The following COX7A2L variants were observed in gnomAD, a reference collection of about 807,000 sequenced individuals.
COX7A2L encodes the protein cytochrome c oxidase subunit 7A2-like, mitochondrial.
COX7A2L carries 18 observed loss-of-function variants against 14.2 expected under a neutral mutation model. The observed-to-expected ratio is 1.27, with a 90% CI of 0.88 to 1.88. The LOEUF (loss-of-function observed/expected upper bound fraction) is 1.88. COX7A2L is among the 40% of genes most tolerant of loss of function. The pLI is 0.00. For synonymous variants in COX7A2L, 65 were observed against 57.4 expected, an observed-to-expected ratio of 1.13 and a Z score of -0.60; for missense variants, 179 against 138.8, an observed-to-expected ratio of 1.29 and a Z score of -1.46.
At chr2:42,336,997 C>CTT (rs1057223191) in intron 2 of COX7A2L, among the ~76,000 whole-genome samples, 2 of 152,210 alleles carry the variant, frequency 1.3e-5, no homozygotes, top group African/African-American at 4.8e-5. Context: ...TAAAAACAAA[C>CTT]TTTGTATATT....
In COX7A2L at chr2:42,351,229, T is replaced by C. The variant is rs1401314104; in HGVS notation, c.335A>G (p.Lys112Arg). The stretch of plus-strand genomic sequence containing the variant: ...CCTCTGCAGCCTAACTCATTTGTTT[T>C]TGGGCTGCGAAGCCATGTAGAGGGC... ...LIALYMASQPKNK is the reference protein window; with the variant it reads ...LIALYMASQPRNK The change falls in exon 3 of 3, where the codon AAA becomes AGA. Residue 112 changes from lysine to arginine, a missense_variant. Transcript: ENST00000234301. 2 of 1,613,840 alleles carry C rather than the reference T, an allele frequency of 1.2e-6. No homozygotes were observed. Among genetic ancestry groups the C allele is most frequent in the Non-Finnish European group, 1.7e-6 (2 of 1,179,834 alleles).
At chr2:42,349,112 T>C (rs898277973), downstream of COX7A2L, among the ~76,000 whole-genome samples, 1 of 152,234 alleles carries the variant, frequency 6.6e-6, no homozygotes, top group African/African-American at 2.4e-5. Context: ...CACTCCTAGG[T>C]AGATACCCAA....
At chr2:42,359,846 C>CG (rs976879791) in intron 1 of COX7A2L, 28 of 125,818 alleles carry the variant, frequency 2.2e-4, no homozygotes, top group African/African-American at 7.5e-4. Flanking sequence ...CACTAACCCC[C>CG]GAAAAAAAAA....
In COX7A2L at chr2:42,339,753, T is replaced by C. The variant is rs930061597; in HGVS notation, c.193-5884A>G. Among the ~76,000 whole-genome samples the C allele has an allele frequency of 3.3e-5, 5 of 152,194 alleles. No homozygotes were observed. Among genetic ancestry groups the C allele is most frequent in the Non-Finnish European group, 7.3e-5 (5 of 68,032 alleles). Reference sequence around the variant, plus strand: ...TGCTGCCAGCACTCAGAAGTCGGCCTGTGACCCGCTCCTGTCAGGGACTCC... The same window carrying C: ...TGCTGCCAGCACTCAGAAGTCGGCCCGTGACCCGCTCCTGTCAGGGACTCC... On this transcript the variant is annotated intron_variant, in intron 2 of 2. Transcript: ENST00000468711. This position sits in a 1 kb window ranked among gnomAD's most constrained non-coding sequence, Gnocchi z 5.4.
chr2:42,337,041 C>T (rs185891755), intron 2 of COX7A2L, among the ~76,000 whole-genome samples: 1 of 152,234 alleles, frequency 6.6e-6, no homozygotes, highest in Non-Finnish European at 1.5e-5. Context: ...CAGGTTCCCT[C>T]AAAATTAGAA....
chr2:42,345,929 G>C (rs959139454), downstream of COX7A2L, among the ~76,000 whole-genome samples: 19 of 152,188 alleles, frequency 1.2e-4, no homozygotes, highest in Non-Finnish European at 2.5e-4. Flanking sequence ...CGGTGAGAGG[G>C]AGGAGGGTCT....
intron 2 of COX7A2L, chr2:42,352,833 T>C (rs1473040319): frequency 4.0e-6 from 1 of 247,786 alleles, no homozygotes; most frequent in East Asian, 8.4e-5. Flanking sequence ...CAAAAAACAA[T>C]GAGAAAAAAA....
chr2:42,345,720 T>G (rs982363561), downstream of COX7A2L, among the ~76,000 whole-genome samples: 11 of 152,110 alleles, frequency 7.2e-5, no homozygotes, highest in South Asian at 2.1e-4. Flanking sequence ...TTAAAATAAT[T>G]CCCTTAAACT....
rs970226128 is a variant in COX7A2L, at chr2:42,368,866, A to T, written c.-688+2T>A. 1 of 152,188 alleles carries T rather than the reference A, an allele frequency of 6.6e-6. No homozygotes were observed. Among genetic ancestry groups the T allele is most frequent in the Non-Finnish European group, 1.5e-5 (1 of 68,042 alleles). The allele number at this position is 152,188 out of a possible 1,614,324, so 9.4% of individuals were successfully genotyped here. A position where few individuals can be genotyped will look rare whatever the true frequency, so the allele number is the denominator to read the frequency against. On this transcript the variant is annotated splice_donor_variant, in intron 1 of 3. Transcript: ENST00000378669. LOFTEE classifies it low-confidence loss of function (5UTR_SPLICE). ...CCAGTAAATGGTAGCTCTTAGACTT[A>T]CCAAGTCAATAACAACTCCAGTTAG...
upstream of COX7A2L, among the ~76,000 whole-genome samples, chr2:42,364,820 T>C (rs1671128880): frequency 6.6e-6 from 1 of 152,220 alleles, no homozygotes; most frequent in South Asian, 2.1e-4. Flanking sequence ...GGGATTGCAG[T>C]TGCCGGGACA....
At chr2:42,355,246 A>T (rs1670779908) in intron 1 of COX7A2L, among the ~76,000 whole-genome samples, 1 of 152,252 alleles carries the variant, frequency 6.6e-6, no homozygotes, top group Non-Finnish European at 1.5e-5. Flanking sequence ...TCAAGATCAA[A>T]AGGCTAACAA....
downstream of COX7A2L, among the ~76,000 whole-genome samples, chr2:42,346,656 T>TA (rs1670503583): frequency 6.6e-6 from 1 of 151,488 alleles, no homozygotes; most frequent in Non-Finnish European, 1.5e-5. Context: ...TCCCACTACT[T>TA]AGGAGGGTGA....
chr2:42,347,404 A>C (rs569891990), downstream of COX7A2L, among the ~76,000 whole-genome samples: 1 of 152,090 alleles, frequency 6.6e-6, no homozygotes. Flanking sequence ...TGATCCTAGA[A>C]ATATATCCAA....
intron 1 of COX7A2L, 31 bp downstream of exon 1, chr2:42,361,059 C>G: frequency 6.2e-7 from 1 of 1,610,702 alleles, no homozygotes; most frequent in Non-Finnish European, 8.5e-7. Flanking sequence ...CGCCACTTCT[C>G]ATGTCCGAGC....
At chr2:42,352,200 C>T (rs1029802270) in intron 2 of COX7A2L, among the ~76,000 whole-genome samples, 2 of 152,186 alleles carry the variant, frequency 1.3e-5, no homozygotes, top group Admixed American at 1.3e-4. Flanking sequence ...GACTGGGTCT[C>T]ACTCTGCTAC....
upstream of COX7A2L, chr2:42,365,774 C>T (rs1283858956): frequency 2.6e-5 from 4 of 152,160 alleles, no homozygotes; most frequent in East Asian, 7.7e-4. Flanking sequence ...ATGTGAGGGG[C>T]CTCTTAAGTG....
At chr2:42,364,534 A>C (rs955553772), upstream of COX7A2L, among the ~76,000 whole-genome samples, 27 of 152,168 alleles carry the variant, frequency 1.8e-4, no homozygotes, top group African/African-American at 6.5e-4. Flanking sequence ...TGGAAAGCAA[A>C]ATGGAGTGCT....
upstream of COX7A2L, among the ~76,000 whole-genome samples, chr2:42,362,123 A>C (rs984064012): frequency 6.6e-6 from 1 of 152,058 alleles, no homozygotes; most frequent in African/African-American, 2.4e-5. Flanking sequence ...AGGTAGGGGG[A>C]GGGTGATCAG....
At chr2:42,360,372 G>C (rs1239830494) in intron 1 of COX7A2L, among the ~76,000 whole-genome samples, 1 of 152,094 alleles carries the variant, frequency 6.6e-6, no homozygotes. Context: ...AATTAAAGCG[G>C]AAAACGCCAT....
Sources: allele counts gnomAD v4.1 joint callset (sites outside exome capture counted in the v4.1 genomes callset), GRCh38; gene constraint gnomAD v4.1.1; non-coding constraint Gnocchi (gnomAD v3.1); transcripts MANE v1.5; gene names NCBI Gene and HGNC (gene_info 2026-07-23, HGNC 2026-07-21).